ARAP1: variants seen among roughly 807,000 people sequenced by gnomAD.
ARAP1 encodes arf-GAP with Rho-GAP domain, ANK repeat and PH domain-containing protein 1.
In ARAP1, 76 loss-of-function variants were observed where a neutral mutation model predicts 172.2. The observed-to-expected ratio is 0.44, with a 90% CI of 0.37 to 0.53. The LOEUF (loss-of-function observed/expected upper bound fraction) is 0.53, where lower values mean the gene tolerates loss of function less well. ARAP1 is among the 20% of genes least tolerant of loss of function. The pLI is 0.00. For synonymous variants in ARAP1, 804 were observed against 803.3 expected, an observed-to-expected ratio of 1.00 and a Z score of -0.01; for missense variants, 1,686 against 1,977.5, an observed-to-expected ratio of 0.85 and a Z score of 2.80.
chr11:72,711,232 T>C (rs1475947933), intron 8 of ARAP1, 91 bp from the exon 9 acceptor site: 2 of 1,560,498 alleles, frequency 1.3e-6, no homozygotes, highest in East Asian at 2.3e-5. Flanking sequence ...CCCTGTCTCC[T>C]GCAGCTGGTT....
At chr11:72,745,894 C>T (rs1036208288) in intron 1 of ARAP1, among the ~76,000 whole-genome samples, 1 of 152,154 alleles carries the variant, frequency 6.6e-6, no homozygotes, top group African/African-American at 2.4e-5. Context: ...CTGCTGTGCC[C>T]ACAGGCCCAG....
chr11:72,721,929 T>G, intron 3 of ARAP1: 5 of 986,368 alleles, frequency 5.1e-6, no homozygotes, highest in Non-Finnish European at 6.0e-6. Flanking sequence ...AAGAATGTCG[T>G]GTACCTGCCC....
intron 2 of ARAP1, among the ~76,000 whole-genome samples, chr11:72,730,482 AG>A (rs1487508269): frequency 6.6e-6 from 1 of 152,164 alleles, no homozygotes; most frequent in Non-Finnish European, 1.5e-5. Flanking sequence ...CCAACACTTG[AG>A]GTCAGGAATT....
chr11:72,745,494 A>G (rs1435438524), intron 1 of ARAP1, among the ~76,000 whole-genome samples: 3 of 150,936 alleles, frequency 2.0e-5, no homozygotes, highest in Non-Finnish European at 4.4e-5. Context: ...ATGAGCCACC[A>G]TGCCTGGCCA....
At chr11:72,713,419 A>G (rs1292060168) in intron 4 of ARAP1, among the ~76,000 whole-genome samples, 176 bp from the exon 5 acceptor site, 1 of 152,168 alleles carries the variant, frequency 6.6e-6, no homozygotes, top group East Asian at 1.9e-4. Context: ...CAGGCCTCAT[A>G]GGACAGTACT....
At chr11:72,748,716 C>T (rs2135597858) in intron 1 of ARAP1, among the ~76,000 whole-genome samples, 1 of 152,242 alleles carries the variant, frequency 6.6e-6, no homozygotes, top group East Asian at 1.9e-4. Flanking sequence ...CCATGCATTG[C>T]CCCCCACCAT....
intron 3 of ARAP1, among the ~76,000 whole-genome samples, chr11:72,724,463 G>A (rs1183622438): frequency 6.6e-6 from 1 of 152,134 alleles, no homozygotes; most frequent in African/African-American, 2.4e-5. Flanking sequence ...GGCAGGAGCA[G>A]TGTTCCTCTC....
At chr11:72,722,289 G>A (rs972919726) in intron 3 of ARAP1, 1 of 985,738 alleles carries the variant, frequency 1.0e-6, no homozygotes, top group Non-Finnish European at 1.2e-6. Flanking sequence ...TTCCTGCTTT[G>A]TGTCTCCCCC....
chr11:72,724,835 G>T (rs1565227400), intron 3 of ARAP1, among the ~76,000 whole-genome samples: 1 of 152,134 alleles, frequency 6.6e-6, no homozygotes, highest in Non-Finnish European at 1.5e-5. Context: ...ACAGATTTTG[G>T]GTACTCAAAC....
chr11:72,689,729 T>C (rs1855857698), intron 30 of ARAP1, among the ~76,000 whole-genome samples: 1 of 152,192 alleles, frequency 6.6e-6, no homozygotes, highest in African/African-American at 2.4e-5. Flanking sequence ...GAAAGCCTCA[T>C]GTCTTCTACA....
chr11:72,749,605 C>T (rs537251116), intron 1 of ARAP1, among the ~76,000 whole-genome samples: 9 of 152,108 alleles, frequency 5.9e-5, no homozygotes, highest in South Asian at 2.1e-4. Context: ...CTCTCCCAGC[C>T]GGGAGTGGTG....
At chr11:72,744,197 ACT>A (rs1255085751) in intron 1 of ARAP1, among the ~76,000 whole-genome samples, 1 of 151,578 alleles carries the variant, frequency 6.6e-6, no homozygotes, top group East Asian at 1.9e-4. Flanking sequence ...TCACATACAT[ACT>A]CTCTTACCCC....
Position 72,697,188 on chromosome 11 carries a change from G to C in ARAP1, c.2961C>G (p.Thr987=). The stretch of plus-strand genomic sequence containing the variant: ...CACACTTGCGGTAGATGCCCTCGGA[G>C]GTCAGGCCTAGGGAGGGGCGGGGCC... ...CVDYITQCGL[T]SEGIYRKCGQ... Residue 987 remains threonine (T), a synonymous_variant, in exon 22 of 35, where the codon ACC becomes ACG. Transcript: ENST00000393609. The C allele has an allele frequency of 1.2e-6, 2 of 1,602,318 alleles. No homozygotes were observed. Among genetic ancestry groups the C allele is most frequent in the Non-Finnish European group, 1.7e-6 (2 of 1,179,478 alleles).
rs1261032356 is a variant in ARAP1, at chr11:72,741,612, G to A, written c.-127-9015C>T. 3.3e-5 allele frequency among the ~76,000 whole-genome samples: 5 copies of A among 152,172 alleles called. No homozygotes were observed. Among genetic ancestry groups the A allele is most frequent in the Admixed American group, 6.5e-5 (1 of 15,286 alleles). On this transcript the variant is annotated intron_variant, in intron 1 of 34. Transcript: ENST00000393609. The surrounding 1 kb of genome is among the most constrained non-coding windows in gnomAD (Gnocchi z 4.5). ...TCCTCCTGTGACCACTGCCCCCAGC[G>A]GGAGCAGGAGGGGGACTCCGAACAC...
Position 72,699,886 on chromosome 11 carries a change from C to G in ARAP1, c.2303-334G>C, listed in dbSNP as rs1297710036. The G allele has an allele frequency of 2.8e-6, 1 of 354,984 alleles. No homozygotes were observed. Among genetic ancestry groups the G allele is most frequent in the African/African-American group, 2.1e-5 (1 of 47,666 alleles). 22.0% of individuals were successfully genotyped at this position (354,984 alleles called of 1,614,324 possible). A position where few individuals can be genotyped will look rare whatever the true frequency, so the allele number is the denominator to read the frequency against. ...CATTCAAGGCCCTGCCAGGTCTACC[C>G]CTGCCCGTCTCTCCAGCTGCCTCTC... is the stretch of plus-strand genomic sequence containing the variant. On this transcript the variant is annotated intron_variant, in intron 16 of 34. Transcript: ENST00000393609. This position sits in a 1 kb window ranked among gnomAD's most constrained non-coding sequence, Gnocchi z 4.2.
chr11:72,727,526 T>C (rs1244266068), intron 2 of ARAP1, among the ~76,000 whole-genome samples: 1 of 152,218 alleles, frequency 6.6e-6, no homozygotes, highest in East Asian at 1.9e-4. Flanking sequence ...CTGTGTCTTA[T>C]ACCTCCTCCC....
At chr11:72,713,123 C>G in intron 5 of ARAP1, 53 bp downstream of exon 5, 2 of 1,579,676 alleles carry the variant, frequency 1.3e-6, no homozygotes, top group South Asian at 2.2e-5. Flanking sequence ...TGACAGGCAG[C>G]TGGGCACCCC....
chr11:72,739,407 G>A (rs1858134951), intron 1 of ARAP1, among the ~76,000 whole-genome samples: 1 of 152,158 alleles, frequency 6.6e-6, no homozygotes, highest in African/African-American at 2.4e-5. Context: ...AGGGCAGTGA[G>A]GACTGAGTGG....
Position 72,725,295 on chromosome 11 carries a change from CCTCTCTCTCTCT to C in ARAP1, c.509+1313_509+1324del, listed in dbSNP as rs10570876. Among the ~76,000 whole-genome samples, 1 of 147,876 alleles carries C rather than the reference CCTCTCTCTCTCT, an allele frequency of 6.8e-6. No homozygotes were observed. Among genetic ancestry groups the C allele is most frequent in the African/African-American group, 2.5e-5 (1 of 40,010 alleles). Reference sequence around the variant, plus strand: ...TTCTCTATCCTCTTCTCTCTTCTAACCTCTCTCTCTCTCTCTCTCTCTCTTTTTCTCTCTCTC... The same window carrying C: ...TTCTCTATCCTCTTCTCTCTTCTAACCTCTCTCTCTCTTTTTCTCTCTCTC... On this transcript the variant is annotated intron_variant, in intron 3 of 34. Transcript: ENST00000393609. This position sits in a 1 kb window ranked among gnomAD's most constrained non-coding sequence, Gnocchi z 4.3.
Sources: gnomAD v4.1 joint callset for allele counts (sites outside exome capture counted in the v4.1 genomes callset) on GRCh38, gnomAD v4.1.1 for gene constraint, Gnocchi (gnomAD v3.1) non-coding constraint, MANE v1.5 for transcripts, NCBI Gene and HGNC (gene_info 2026-07-23, HGNC 2026-07-21) for gene names.